ADK: variants seen among roughly 807,000 people sequenced by gnomAD.
ADK encodes N6,N6-dimethyladenosine kinase.
ADK carries 24 observed loss-of-function variants against 44.7 expected under a neutral mutation model. The observed-to-expected ratio is 0.54, with a 90% confidence interval of 0.39 to 0.76. ADK has a LOEUF of 0.76. Ranked by LOEUF, ADK falls within the 30% of genes least tolerant of loss-of-function variation. The pLI, the probability that ADK is intolerant of heterozygous loss-of-function variation, is 0.00. For synonymous variants in ADK, 128 were observed against 142.6 expected, an observed-to-expected ratio of 0.90 and a Z score of 0.73; for missense variants, 321 against 425.1, an observed-to-expected ratio of 0.76 and a Z score of 2.15.
intron 8 of ADK, among the ~76,000 whole-genome samples, chr10:74,592,114 A>C (rs1851745295): frequency 6.6e-6 from 1 of 152,170 alleles, no homozygotes; most frequent in Admixed American, 6.6e-5. Context: ...AGAATGAGAT[A>C]AAAACTGGAG....
chr10:74,444,886 A>G (rs1054321808), intron 6 of ADK, among the ~76,000 whole-genome samples: 2 of 151,986 alleles, frequency 1.3e-5, no homozygotes, highest in African/African-American at 4.8e-5. Flanking sequence ...TTTTCCTGTG[A>G]CAGTATAATA....
intron 10 of ADK, among the ~76,000 whole-genome samples, chr10:74,686,069 C>G (rs547004821): frequency 5.7e-4 from 87 of 152,210 alleles, no homozygotes; most frequent in African/African-American, 2.1e-3. Context: ...TCACGCTATT[C>G]TCCTTCCTCA....
intron 4 of ADK, among the ~76,000 whole-genome samples, chr10:74,377,044 C>G (rs1484269974): frequency 1.3e-5 from 2 of 152,082 alleles, no homozygotes; most frequent in Non-Finnish European, 2.9e-5. Context: ...TGAGATTAAT[C>G]AATATGTTCA....
chr10:74,672,177 A>G (rs542508041), intron 10 of ADK, among the ~76,000 whole-genome samples: 1 of 152,384 alleles, frequency 6.6e-6, no homozygotes, highest in South Asian at 2.1e-4. Context: ...GAAAAAGAGT[A>G]TAGAACAGGG....
chr10:74,541,801 C>CCA (rs1554878479), intron 7 of ADK, among the ~76,000 whole-genome samples: 1 of 135,642 alleles, frequency 7.4e-6, no homozygotes, highest in East Asian at 2.3e-4. Context: ...CACACCCCCC[C>CCA]CCCCTAAAAA....
intron 10 of ADK, among the ~76,000 whole-genome samples, chr10:74,693,350 G>A: frequency 6.6e-6 from 1 of 152,102 alleles, no homozygotes; most frequent in East Asian, 1.9e-4. Flanking sequence ...TTAAACCCAA[G>A]TGGGAAAACC....
Position 74,665,050 on chromosome 10 carries a change from GC to G in ADK, c.878-5132del, listed in dbSNP as rs796582370. Among the ~76,000 whole-genome samples, 35 of 152,188 alleles carry G rather than the reference GC, an allele frequency of 2.3e-4. 2 individuals carry two copies. Among genetic ancestry groups the G allele is most frequent in the African/African-American group, 7.0e-4 (29 of 41,536 alleles). On this transcript the variant is annotated intron_variant, in intron 9 of 10. Coordinates refer to ENST00000539909, the MANE Select transcript of ADK (RefSeq NM_006721.4). ...ACACTGAAGTATTAAGGGGTAAAAG[GC>G]ATAATATATACCACAAATGCTAAAT...
intron 6 of ADK, among the ~76,000 whole-genome samples, chr10:74,451,882 C>T (rs1845795066): frequency 6.6e-6 from 1 of 151,966 alleles, no homozygotes; most frequent in Non-Finnish European, 1.5e-5. Context: ...ATAATGATTA[C>T]ATTAATAATT....
chr10:74,289,385 C>T (rs553048281), intron 3 of ADK, among the ~76,000 whole-genome samples: 2 of 152,164 alleles, frequency 1.3e-5, no homozygotes, highest in South Asian at 2.1e-4. Flanking sequence ...CTGCTTTAAA[C>T]GCAGTAGGTA....
chr10:74,317,728 A>T (rs1840673410), intron 4 of ADK, among the ~76,000 whole-genome samples: 1 of 152,104 alleles, frequency 6.6e-6, no homozygotes. Context: ...GAGAATGAGA[A>T]TGGAAAAAGA....
chr10:74,452,869 A>T (rs1564730280), intron 6 of ADK, among the ~76,000 whole-genome samples: 1 of 152,062 alleles, frequency 6.6e-6, no homozygotes, highest in Non-Finnish European at 1.5e-5. Context: ...TGAAATTTTC[A>T]ACAATGATTA....
chr10:74,160,440 C>T (rs1256454057), intron 1 of ADK, among the ~76,000 whole-genome samples: 1 of 152,232 alleles, frequency 6.6e-6, no homozygotes, highest in Admixed American at 6.5e-5. Context: ...GGGGCAGTAC[C>T]TCTGCCGATG....
At chr10:74,493,467 G>GAT (rs1323293009) in intron 6 of ADK, among the ~76,000 whole-genome samples, 3 of 150,530 alleles carry the variant, frequency 2.0e-5, no homozygotes, top group East Asian at 1.9e-4. Flanking sequence ...ATATAGAAGA[G>GAT]ATATATATAG....
intron 3 of ADK, among the ~76,000 whole-genome samples, chr10:74,231,210 C>T (rs970146089): frequency 1.4e-4 from 21 of 152,288 alleles, no homozygotes; most frequent in Middle Eastern, 3.4e-3. Flanking sequence ...GCTATTTGGT[C>T]AGCTTGATAC....
intron 9 of ADK, among the ~76,000 whole-genome samples, chr10:74,648,995 C>A (rs952015863): frequency 5.3e-5 from 8 of 151,790 alleles, no homozygotes; most frequent in African/African-American, 1.9e-4. Flanking sequence ...TCCTGGCCAA[C>A]ATGGTGAAAC....
intron 4 of ADK, among the ~76,000 whole-genome samples, chr10:74,331,326 A>G (rs550289839): frequency 6.6e-6 from 1 of 152,306 alleles, no homozygotes; most frequent in South Asian, 2.1e-4. Context: ...ATTCTTAAGT[A>G]AAATAGAGTG....
chr10:74,384,034 TCTTC>T, intron 4 of ADK, among the ~76,000 whole-genome samples: 1 of 152,178 alleles, frequency 6.6e-6, no homozygotes, highest in Non-Finnish European at 1.5e-5. Flanking sequence ...TCTTAGGAAA[TCTTC>T]TTTGGCCACT....
At chr10:74,533,691 G>A (rs1340975223) in intron 7 of ADK, among the ~76,000 whole-genome samples, 2 of 152,158 alleles carry the variant, frequency 1.3e-5, no homozygotes, top group African/African-American at 2.4e-5. Flanking sequence ...ATGTAAAATG[G>A]TACAACTACT....
intron 9 of ADK, 97 bp downstream of exon 9, chr10:74,600,590 A>G (rs991274933): frequency 1.5e-5 from 6 of 408,772 alleles, no homozygotes; most frequent in Non-Finnish European, 2.6e-5. Flanking sequence ...TATACAATAT[A>G]CATATACAAT....
Sources: gnomAD v4.1 joint callset for allele counts (sites outside exome capture counted in the v4.1 genomes callset) on GRCh38, gnomAD v4.1.1 for gene constraint, MANE v1.5 for transcripts, NCBI Gene and HGNC (gene_info 2026-07-23, HGNC 2026-07-21) for gene names.